PPM1B: variants seen among roughly 807,000 people sequenced by gnomAD.
The protein encoded by PPM1B is protein phosphatase 1B.
PPM1B carries 22 observed loss-of-function variants against 43.0 expected under a neutral mutation model. The ratio of observed to expected loss-of-function variants is 0.51; its 90% CI spans 0.37 to 0.73. The LOEUF is 0.73. Ranked by LOEUF, PPM1B falls within the 30% of genes least tolerant of loss-of-function variation. The pLI is 0.00. For missense variants in PPM1B, 632 were observed against 584.2 expected (o/e 1.08, Z -0.84); for synonymous variants, 217 against 197.9 (o/e 1.10, Z -0.81).
chr2:44,239,875 TG>T (rs1670707744), intron 5 of PPM1B, among the ~76,000 whole-genome samples: 1 of 138,052 alleles, frequency 7.2e-6, no homozygotes, highest in Admixed American at 7.7e-5. Context: ...TCTGCTCTAT[TG>T]TTTTTTTGTT....
At chr2:44,207,362 C>T (rs745871405) in intron 2 of PPM1B, among the ~76,000 whole-genome samples, 1 of 152,208 alleles carries the variant, frequency 6.6e-6, no homozygotes, top group East Asian at 1.9e-4. Flanking sequence ...ATTTGGCAAA[C>T]ACTATCAGAC....
intron 1 of PPM1B, among the ~76,000 whole-genome samples, chr2:44,182,628 C>G (rs1298809727): frequency 1.3e-5 from 2 of 152,040 alleles, no homozygotes; most frequent in African/African-American, 4.8e-5. Flanking sequence ...TTGTGATTTG[C>G]TTTTCTTTTT....
At chr2:44,213,827 T>A (rs1310868336) in intron 3 of PPM1B, 2 of 152,110 alleles carry the variant, frequency 1.3e-5, no homozygotes, top group African/African-American at 4.8e-5. Context: ...AGAGGAGCTG[T>A]TTTTATAGGA....
Position 44,231,322 on chromosome 2 carries a change from C to A in PPM1B, c.*604C>A, listed in dbSNP as rs1336660523. On this transcript the variant is annotated 3_prime_UTR_variant, in exon 6 of 6. Coordinates refer to ENST00000282412, the MANE Select transcript of PPM1B (RefSeq NM_002706.6). ...TCTCTGTATTCTTTATGAAACATAA[C>A]TTTTGAAAAACCTATGTATTATTCA... The A allele has an allele frequency of 1.0e-6, 1 of 979,622 alleles. No individual in the cohort carries two copies. The highest frequency in any genetic ancestry group is 1.2e-6 in the Non-Finnish European group (1 of 824,886). The allele number at this position is 979,622 out of a possible 1,614,324, so 60.7% of individuals were successfully genotyped here. A position where few individuals can be genotyped will look rare whatever the true frequency, so the allele number is the denominator to read the frequency against.
chr2:44,190,161 T>A lies in PPM1B; in HGVS notation c.-14-11025T>A, dbSNP rs1442715155. ...AGAAATTTGAGTTTATTTGATTTTT[T>A]TTTTTTTTTTTTTTGAGACCGTCTT... On this transcript the variant is annotated intron_variant, in intron 1 of 5. Coordinates refer to ENST00000282412, the MANE Select transcript of PPM1B (RefSeq NM_002706.6). 3.5e-3 allele frequency among the ~76,000 whole-genome samples: 521 copies of A among 150,062 alleles called. 3 individuals carry two copies. The highest frequency in any genetic ancestry group is 0.012 in the African/African-American group (504 of 40,936).
Position 44,213,500 on chromosome 2 carries a change from G to A in PPM1B, c.964+4173G>A, listed in dbSNP as rs1393369019. On this transcript the variant is annotated intron_variant, in intron 3 of 5. Transcript: ENST00000282412. ...CACAGTAATTGGTGAGAGTTTTGAAGTGTGAAGATGTGTGATTTCTAATAT... is the reference window on the plus strand; with the variant it reads ...CACAGTAATTGGTGAGAGTTTTGAAATGTGAAGATGTGTGATTTCTAATAT... Among the ~76,000 whole-genome samples, 6 of 152,150 alleles carry A rather than the reference G, an allele frequency of 3.9e-5. No individual in the cohort carries two copies. In the East Asian group the frequency reaches 1.2e-3, roughly 29 times the overall value.
chr2:44,202,030 C>A lies in PPM1B; in HGVS notation c.831C>A (p.Asp277Glu). Residue 277 changes from aspartate to glutamate, a missense_variant, in exon 2 of 6, where the codon GAC becomes GAA. By Grantham distance (45) the Asp-to-Glu change is conservative. Transcript: ENST00000282412. ...AAAATGTGTGCAATTGGGTAGTGGA[C>A]ACTTGTTTACACAAGGTATGTAAAC... is the stretch of plus-strand genomic sequence containing the variant. Reference protein sequence around the residue: ...DLENVCNWVVDTCLHKGSRDN... With the variant: ...DLENVCNWVVETCLHKGSRDN... 6.4e-7 allele frequency: 1 copy of A among 1,567,464 alleles called. No individual in the cohort carries two copies. Among genetic ancestry groups the A allele is most frequent in the Non-Finnish European group, 8.6e-7 (1 of 1,158,312 alleles).
intron 1 of PPM1B, among the ~76,000 whole-genome samples, chr2:44,189,886 G>A (rs548027500): frequency 1.3e-5 from 2 of 151,904 alleles, no homozygotes; most frequent in Non-Finnish European, 2.9e-5. Flanking sequence ...TCATTGCTTC[G>A]TGTTTTACAC....
chr2:44,217,988 A>G lies in PPM1B; in HGVS notation c.986A>G (p.Glu329Gly), dbSNP rs1290795854. Residue 329 changes from glutamate to glycine, a missense_variant, in exon 4 of 6, where the codon GAG (glutamate) becomes GGG (glycine). Physicochemically the swap from Glu to Gly is moderately conservative, Grantham distance 98. Coordinates refer to ENST00000282412, the MANE Select transcript of PPM1B (RefSeq NM_002706.6). ...ACAGAGATTATGGAGAAGTCTGGCG[A>G]GGAAGGAATGCCTGATCTTGCCCAT... is the stretch of plus-strand genomic sequence containing the variant. ...RVEEIMEKSG[E>G]EGMPDLAHVM... 6.2e-7 allele frequency: 1 copy of G among 1,605,654 alleles called. No individual in the cohort carries two copies. Among genetic ancestry groups the G allele is most frequent in the East Asian group, 2.2e-5 (1 of 44,732 alleles).
At chr2:44,209,948 G>C (rs1669381026) in intron 3 of PPM1B, among the ~76,000 whole-genome samples, 1 of 152,142 alleles carries the variant, frequency 6.6e-6, no homozygotes, top group Non-Finnish European at 1.5e-5. Context: ...ATAATTTGAA[G>C]GTAGTTCGTT....
chr2:44,217,647 C>T (rs1240309820), intron 3 of PPM1B, among the ~76,000 whole-genome samples: 2 of 152,120 alleles, frequency 1.3e-5, no homozygotes, highest in African/African-American at 4.8e-5. Flanking sequence ...TAAACCATTT[C>T]ACTCAATGGC....
At chr2:44,243,082 A>G (rs887602278) in intron 5 of PPM1B, among the ~76,000 whole-genome samples, 1 of 152,182 alleles carries the variant, frequency 6.6e-6, no homozygotes, top group African/African-American at 2.4e-5. Context: ...CACATCATGC[A>G]ACTTCTGAGC....
At chr2:44,233,978 C>T (rs1670540745), downstream of PPM1B, 1 of 985,186 alleles carries the variant, frequency 1.0e-6, no homozygotes, top group Admixed American at 6.2e-5. Flanking sequence ...ACTGATAGTA[C>T]TTCCCAGTAT....
downstream of PPM1B, among the ~76,000 whole-genome samples, chr2:44,234,830 T>C (rs1670568546): frequency 6.6e-6 from 1 of 152,236 alleles, no homozygotes; most frequent in Non-Finnish European, 1.5e-5. Context: ...TGTTAATATA[T>C]AAACCATTTT....
chr2:44,185,690 G>A (rs1318039513), intron 1 of PPM1B, among the ~76,000 whole-genome samples: 1 of 152,112 alleles, frequency 6.6e-6, no homozygotes, highest in Non-Finnish European at 1.5e-5. Context: ...TTGCTCTAAT[G>A]TAGAGCTATA....
At chr2:44,226,607 A>G (rs1184362729) in intron 5 of PPM1B, among the ~76,000 whole-genome samples, 1 of 152,154 alleles carries the variant, frequency 6.6e-6, no homozygotes, top group African/African-American at 2.4e-5. Flanking sequence ...CATGTGTGCA[A>G]TTTTAAAAGC....
intron 1 of PPM1B, among the ~76,000 whole-genome samples, chr2:44,175,399 G>C (rs1239023525): frequency 6.6e-6 from 1 of 152,146 alleles, no homozygotes; most frequent in Non-Finnish European, 1.5e-5. Flanking sequence ...AAAGAATTCA[G>C]AACAGTCTAA....
At chr2:44,171,183 TAC>T (rs951943126) in intron 1 of PPM1B, among the ~76,000 whole-genome samples, 7 of 152,218 alleles carry the variant, frequency 4.6e-5, no homozygotes, top group African/African-American at 1.7e-4. Flanking sequence ...ACCGTTTTCT[TAC>T]ACTGGGTGTC....
intron 5 of PPM1B, among the ~76,000 whole-genome samples, chr2:44,223,496 T>A (rs570006271): frequency 6.6e-6 from 1 of 152,192 alleles, no homozygotes; most frequent in East Asian, 1.9e-4. Context: ...AAAGCATTGC[T>A]ATGGAGAAGA....
Sources: gnomAD v4.1 joint callset for allele counts (sites outside exome capture counted in the v4.1 genomes callset) on GRCh38, gnomAD v4.1.1 for gene constraint, MANE v1.5 for transcripts, NCBI Gene and HGNC (gene_info 2026-07-23, HGNC 2026-07-21) for gene names.